ITGA1: variants seen among roughly 807,000 people sequenced by gnomAD.
ITGA1 encodes integrin alpha-1.
A neutral mutation model predicts 145.9 loss-of-function variants in ITGA1; 85 were observed. The observed-to-expected ratio is 0.58, with a 90% CI of 0.49 to 0.70. The LOEUF is 0.70. Among genes scored for constraint, ITGA1 ranks in the 30% least tolerant of loss-of-function variants. The pLI is 0.00. For missense variants in ITGA1, 1,351 were observed against 1,418.7 expected (o/e 0.95, Z 0.77); for synonymous variants, 520 against 495.3 (o/e 1.05, Z -0.66).
chr5:52,838,471 T>TAA (rs1260465600), intron 1 of ITGA1, among the ~76,000 whole-genome samples: 1 of 152,172 alleles, frequency 6.6e-6, no homozygotes, highest in African/African-American at 2.4e-5. Flanking sequence ...AGACCTTAAT[T>TAA]TATTAATGTT....
intron 1 of ITGA1, among the ~76,000 whole-genome samples, chr5:52,833,407 C>T (rs188435665): frequency 6.6e-6 from 1 of 152,228 alleles, no homozygotes; most frequent in African/African-American, 2.4e-5. Flanking sequence ...TATAACTCTA[C>T]AGGACTTAAA....
intron 12 of ITGA1, among the ~76,000 whole-genome samples, chr5:52,908,355 A>G (rs1366848173): frequency 1.3e-5 from 2 of 152,216 alleles, no homozygotes; most frequent in Admixed American, 6.5e-5. Context: ...ACATATTGCT[A>G]CAAGGGATGA....
intron 11 of ITGA1, among the ~76,000 whole-genome samples, chr5:52,901,466 A>G (rs962223788): frequency 6.6e-5 from 10 of 152,246 alleles, no homozygotes; most frequent in Non-Finnish European, 1.5e-4. Context: ...TAATAATAGT[A>G]GCTGACATTA....
At chr5:52,816,933 C>T (rs1475066592) in intron 1 of ITGA1, among the ~76,000 whole-genome samples, 1 of 152,158 alleles carries the variant, frequency 6.6e-6, no homozygotes, top group Non-Finnish European at 1.5e-5. Flanking sequence ...CAAGTGGTAT[C>T]ACCTAGCAGC....
chr5:52,815,248 A>G (rs1047129572), intron 1 of ITGA1, among the ~76,000 whole-genome samples: 3 of 152,202 alleles, frequency 2.0e-5, no homozygotes, highest in African/African-American at 7.2e-5. Context: ...GAGGTGAGCC[A>G]AAGTTAAAAA....
chr5:52,796,441 C>T (rs1182838594), intron 1 of ITGA1, among the ~76,000 whole-genome samples: 1 of 151,772 alleles, frequency 6.6e-6, no homozygotes, highest in Admixed American at 6.6e-5. Context: ...TTTTAAACAG[C>T]CAATACATAA....
At chr5:52,871,489 T>C (rs1037379240) in intron 6 of ITGA1, among the ~76,000 whole-genome samples, 1 of 152,152 alleles carries the variant, frequency 6.6e-6, no homozygotes, top group African/African-American at 2.4e-5. Flanking sequence ...ACAATAGATA[T>C]AGATTGAATA....
At chr5:52,863,548 T>C (rs1204478704) in intron 3 of ITGA1, among the ~76,000 whole-genome samples, 6 of 152,192 alleles carry the variant, frequency 3.9e-5, no homozygotes, top group Non-Finnish European at 8.8e-5. Context: ...GCCAGTATCT[T>C]CTTCCAAGTA....
intron 14 of ITGA1, among the ~76,000 whole-genome samples, chr5:52,911,705 CTACTATATATACTATACATATAGT>C (rs1750544008): frequency 4.5e-5 from 6 of 134,004 alleles, no homozygotes; most frequent in Admixed American, 8.0e-5. Context: ...TATAGTGTAT[CTACTATATATACTATACATATAGT>C]GTATCTACTA....
At chr5:52,930,874 C>T (rs139918727) in intron 21 of ITGA1, among the ~76,000 whole-genome samples, 150 of 152,106 alleles carry the variant, frequency 9.9e-4, no homozygotes, top group African/African-American at 3.5e-3. Context: ...ATTGAACAGA[C>T]CTTGAAAAGC....
chr5:52,816,053 AT>A (rs1485857628), intron 1 of ITGA1, among the ~76,000 whole-genome samples: 11 of 152,290 alleles, frequency 7.2e-5, no homozygotes, highest in Non-Finnish European at 1.3e-4. Flanking sequence ...TCTAACACTG[AT>A]TATTGAGGTG....
chr5:52,796,025 GAAAACA>G (rs1748334918), intron 1 of ITGA1, among the ~76,000 whole-genome samples: 1 of 151,890 alleles, frequency 6.6e-6, no homozygotes, highest in Non-Finnish European at 1.5e-5. Flanking sequence ...ACGCAAAATT[GAAAACA>G]AATATGTTAG....
chr5:52,788,311 C>T lies in ITGA1; in HGVS notation c.-43C>T. 1 of 1,470,270 alleles carries T rather than the reference C, an allele frequency of 6.8e-7. No homozygotes were observed. The highest frequency in any genetic ancestry group is 9.0e-7 in the Non-Finnish European group (1 of 1,112,886). 91.1% of individuals were successfully genotyped at this position (1,470,270 alleles called of 1,614,324 possible). ...CGCAGCTCCCGCGCCCGGTCCTGCC[C>T]TGCGAACCAGCGCGGCCCCCTGGCG... is the stretch of plus-strand genomic sequence containing the variant. On this transcript the variant is annotated 5_prime_UTR_variant, in exon 1 of 29. Coordinates refer to ENST00000282588, the MANE Select transcript of ITGA1 (RefSeq NM_181501.2).
intron 20 of ITGA1, among the ~76,000 whole-genome samples, chr5:52,928,308 C>CT (rs1750843821): frequency 6.6e-6 from 1 of 151,990 alleles, no homozygotes; most frequent in African/African-American, 2.4e-5. Context: ...TTGGAGTCTC[C>CT]TAGGTAGTAG....
intron 1 of ITGA1, among the ~76,000 whole-genome samples, chr5:52,831,051 G>A (rs905552179): frequency 6.6e-6 from 1 of 152,062 alleles, no homozygotes; most frequent in African/African-American, 2.4e-5. Context: ...TTTTAACACA[G>A]AGAGTTTCCA....
At position 52,956,179 on chromosome 5, in the gene ITGA1, C is replaced by A. The variant is rs1462755620; in HGVS notation, c.*3728C>A. 6.6e-6 allele frequency: 1 copy of A among 152,158 alleles called. No individual in the cohort carries two copies. The highest frequency in any genetic ancestry group is 2.4e-5 in the African/African-American group (1 of 41,428). The allele number at this position is 152,158 out of a possible 1,614,324, so 9.4% of individuals were successfully genotyped here. A position where few individuals can be genotyped will look rare whatever the true frequency, so the allele number is the denominator to read the frequency against. ...GCTTGCACACCGTGAATGGTGGCCC[C>A]ACTGGCTCCATGGAGTGTGCCTTCA... On this transcript the variant is annotated 3_prime_UTR_variant, in exon 29 of 29. Coordinates refer to ENST00000282588, the MANE Select transcript of ITGA1 (RefSeq NM_181501.2).
intron 1 of ITGA1, 43 bp from the exon 2 acceptor site, chr5:52,849,322 C>G (rs1247245819): frequency 6.5e-7 from 1 of 1,544,702 alleles, no homozygotes; most frequent in Non-Finnish European, 8.8e-7. Context: ...ATGATGGACT[C>G]TTAGTTAACT....
chr5:52,922,732 C>A, intron 17 of ITGA1, 45 bp from the exon 18 acceptor site: 1 of 1,236,292 alleles, frequency 8.1e-7, no homozygotes, highest in South Asian at 1.2e-5. Flanking sequence ...TCAGAACACC[C>A]GGTAAATATG....
intron 9 of ITGA1, among the ~76,000 whole-genome samples, chr5:52,896,576 G>A (rs1273124832): frequency 6.6e-6 from 1 of 152,026 alleles, no homozygotes; most frequent in Non-Finnish European, 1.5e-5. Flanking sequence ...TTATTCTCTT[G>A]CCTCAACGAA....
Sources: gnomAD v4.1 joint callset for allele counts (sites outside exome capture counted in the v4.1 genomes callset) on GRCh38, gnomAD v4.1.1 for gene constraint, MANE v1.5 for transcripts, NCBI Gene and HGNC (gene_info 2026-07-23, HGNC 2026-07-21) for gene names.